The following PDSS2 variants were observed in gnomAD, a reference collection of about 807,000 sequenced individuals.
PDSS2 encodes the protein decaprenyl diphosphate synthase subunit 2, also known as all trans-polyprenyl-diphosphate synthase PDSS2.
In PDSS2, 31 loss-of-function variants were observed where a neutral mutation model predicts 44.5. The ratio of observed to expected loss-of-function variants is 0.70; its 90% CI spans 0.52 to 0.94. The LOEUF is 0.94. Among genes scored for constraint, PDSS2 ranks in the 40% least tolerant of loss-of-function variants. The pLI is 0.00. For missense variants in PDSS2, 452 were observed against 482.2 expected (o/e 0.94, Z 0.59); for synonymous variants, 157 against 180.3 (o/e 0.87, Z 1.03).
intron 1 of PDSS2, among the ~76,000 whole-genome samples, chr6:107,372,161 T>TA (rs2114389520): frequency 6.6e-6 from 1 of 152,202 alleles, no homozygotes; most frequent in Admixed American, 6.5e-5. Context: ...TCAAGGGGGG[T>TA]AGTCACCAAA....
chr6:107,199,806 G>A (rs1772707849), intron 6 of PDSS2, among the ~76,000 whole-genome samples: 1 of 152,154 alleles, frequency 6.6e-6, no homozygotes, highest in Non-Finnish European at 1.5e-5. Flanking sequence ...CTCACTCCTA[G>A]TTCTAGGAAA....
chr6:107,384,632 ACT>A (rs1280258673), intron 1 of PDSS2, among the ~76,000 whole-genome samples: 1 of 150,050 alleles, frequency 6.7e-6, no homozygotes, highest in South Asian at 2.1e-4. Flanking sequence ...CAAAAGTGAG[ACT>A]CTGTCTCAAA....
In PDSS2 at chr6:107,456,861, G is replaced by A. The variant is rs550853102; in HGVS notation, c.296+2129C>T. ...CAGGACCCCTGGTAATTTTGAAAAG[G>A]AAAAGTGTTTAAAAACAGTTTAGTG... On this transcript the variant is annotated intron_variant, in intron 1 of 7. Coordinates refer to ENST00000369037, the MANE Select transcript of PDSS2 (RefSeq NM_020381.4). Among the ~76,000 whole-genome samples the A allele has an allele frequency of 4.6e-5, 7 of 152,304 alleles. No individual in the cohort carries two copies. The South Asian group carries it at 8.3e-4, about 18-fold the overall frequency.
chr6:107,454,047 CTT>C (rs34161602), intron 1 of PDSS2, among the ~76,000 whole-genome samples: 73 of 131,504 alleles, frequency 5.6e-4, no homozygotes, highest in East Asian at 3.1e-3. Flanking sequence ...TTTCAGACTT[CTT>C]TTTTTTTTTT....
At chr6:107,352,466 C>T (rs1167698679) in intron 1 of PDSS2, among the ~76,000 whole-genome samples, 2 of 152,128 alleles carry the variant, frequency 1.3e-5, no homozygotes, top group South Asian at 2.1e-4. Flanking sequence ...TTAATTACCC[C>T]ATTTGTTTCA....
At chr6:107,386,896 C>A (rs1779628253) in intron 1 of PDSS2, among the ~76,000 whole-genome samples, 2 of 152,118 alleles carry the variant, frequency 1.3e-5, no homozygotes, top group Admixed American at 1.3e-4. Flanking sequence ...ATTAAAGAAA[C>A]CACAGAAGTC....
intron 1 of PDSS2, among the ~76,000 whole-genome samples, chr6:107,389,614 TG>T (rs1257369052): frequency 6.6e-6 from 1 of 152,180 alleles, no homozygotes; most frequent in African/African-American, 2.4e-5. Context: ...GGTATTGGAT[TG>T]GAGACAGAAT....
chr6:107,359,086 C>T (rs1778681097), intron 1 of PDSS2, among the ~76,000 whole-genome samples: 1 of 143,250 alleles, frequency 7.0e-6, no homozygotes, highest in South Asian at 2.2e-4. Context: ...TATCAGCTCA[C>T]TGCAACCTCA....
At position 107,403,387 on chromosome 6, in the gene PDSS2, T is replaced by C. The variant is rs534756254; in HGVS notation, c.296+55603A>G. On this transcript the variant is annotated intron_variant, in intron 1 of 7. Transcript: ENST00000369037. ...TCCCAGCTGCTTTCATGGCTGGCGC[T>C]GAGTGTCTGCAGCTTTTCCAGGCAC... 3.9e-5 allele frequency among the ~76,000 whole-genome samples: 6 copies of C among 152,310 alleles called. No individual in the cohort carries two copies. The East Asian group carries it at 1.2e-3, about 29-fold the overall frequency.
At chr6:107,276,109 T>A (rs1775770779) in intron 2 of PDSS2, among the ~76,000 whole-genome samples, 1 of 1,120 alleles carries the variant, frequency 8.9e-4, no homozygotes, top group Non-Finnish European at 0.011. Context: ...AGTGAGACCC[T>A]ATCTCAAAAA....
intron 2 of PDSS2, among the ~76,000 whole-genome samples, chr6:107,280,128 C>CG (rs1355249147): frequency 6.6e-6 from 1 of 152,060 alleles, no homozygotes; most frequent in Non-Finnish European, 1.5e-5. Context: ...AACGTGATCT[C>CG]GGCTCACTGC....
At chr6:107,401,818 T>C (rs938318692) in intron 1 of PDSS2, among the ~76,000 whole-genome samples, 2 of 152,038 alleles carry the variant, frequency 1.3e-5, no homozygotes, top group Admixed American at 1.3e-4. Flanking sequence ...ACAGGCCTTT[T>C]GAACTAACCC....
intron 1 of PDSS2, among the ~76,000 whole-genome samples, chr6:107,406,050 C>T (rs1780310914): frequency 6.6e-6 from 1 of 152,012 alleles, no homozygotes; most frequent in South Asian, 2.1e-4. Flanking sequence ...TATATTAATA[C>T]AAAATTTTTA....
chr6:107,227,225 T>TGCC (rs1409466095), intron 4 of PDSS2, among the ~76,000 whole-genome samples: 1 of 147,684 alleles, frequency 6.8e-6, no homozygotes, highest in African/African-American at 2.5e-5. Flanking sequence ...TCAAGTGATC[T>TGCC]GCCGGCCCTG....
At chr6:107,185,123 T>TAAA (rs11317647) in intron 7 of PDSS2, among the ~76,000 whole-genome samples, 130 of 88,528 alleles carry the variant, frequency 1.5e-3, no homozygotes, top group Non-Finnish European at 1.8e-3. Flanking sequence ...ACCTTATATC[T>TAAA]AAAAAAAAAA....
intron 4 of PDSS2, among the ~76,000 whole-genome samples, chr6:107,222,302 C>T (rs954615448): frequency 6.6e-6 from 1 of 152,068 alleles, no homozygotes; most frequent in African/African-American, 2.4e-5. Context: ...TGTGATGACA[C>T]TTTTATGTTC....
At chr6:107,248,989 G>C (rs965786079) in intron 3 of PDSS2, among the ~76,000 whole-genome samples, 9 of 152,114 alleles carry the variant, frequency 5.9e-5, no homozygotes, top group Non-Finnish European at 1.3e-4. Context: ...CCCATCAACT[G>C]GCAAAGTCCT....
At chr6:107,258,816 T>C (rs1415413499) in intron 3 of PDSS2, among the ~76,000 whole-genome samples, 2 of 152,064 alleles carry the variant, frequency 1.3e-5, no homozygotes, top group Non-Finnish European at 2.9e-5. Flanking sequence ...AAAAAAAAGT[T>C]TCATGAAGCC....
intron 2 of PDSS2, among the ~76,000 whole-genome samples, chr6:107,316,569 T>A (rs1777206932): frequency 6.6e-6 from 1 of 152,198 alleles, no homozygotes; most frequent in South Asian, 2.1e-4. Flanking sequence ...TAGAGTAGCA[T>A]CATGACAGCA....
Sources: allele counts gnomAD v4.1 joint callset (sites outside exome capture counted in the v4.1 genomes callset), GRCh38; gene constraint gnomAD v4.1.1; transcripts MANE v1.5; gene names NCBI Gene and HGNC (gene_info 2026-07-23, HGNC 2026-07-21).